The following KCNC2 variants were observed in gnomAD, a reference collection of about 807,000 sequenced individuals.
KCNC2 encodes potassium voltage-gated channel subfamily C member 2.
KCNC2 carries 21 observed loss-of-function variants against 44.5 expected under a neutral mutation model. The ratio of observed to expected loss-of-function variants is 0.47; its 90% CI spans 0.33 to 0.68. The LOEUF (loss-of-function observed/expected upper bound fraction) is 0.68, where lower values mean the gene tolerates loss of function less well. Ranked by LOEUF, KCNC2 falls within the 30% of genes least tolerant of loss-of-function variation. KCNC2 has a pLI of 0.01. For missense variants in KCNC2, 589 were observed against 826.2 expected (o/e 0.71, Z 3.52); for synonymous variants, 391 against 339.1 (o/e 1.15, Z -1.68).
intron 2 of KCNC2, among the ~76,000 whole-genome samples, chr12:75,179,653 A>G (rs1182796949): frequency 1.3e-5 from 2 of 149,994 alleles, no homozygotes; most frequent in Non-Finnish European, 3.0e-5. Context: ...TAAAAGATAT[A>G]AAACTACTTT....
At chr12:75,101,185 T>C (rs1288303096) in intron 2 of KCNC2, among the ~76,000 whole-genome samples, 1 of 152,058 alleles carries the variant, frequency 6.6e-6, no homozygotes, top group African/African-American at 2.4e-5. Flanking sequence ...CTAAGGAGAT[T>C]TATAACCCAG....
intron 2 of KCNC2, among the ~76,000 whole-genome samples, chr12:75,178,018 G>A (rs954167013): frequency 2.0e-5 from 3 of 151,996 alleles, no homozygotes; most frequent in South Asian, 2.1e-4. Flanking sequence ...GAGTGGCCAG[G>A]CCTACCATTG....
At chr12:75,059,656 A>T (rs1222694680) in intron 2 of KCNC2, among the ~76,000 whole-genome samples, 1 of 152,096 alleles carries the variant, frequency 6.6e-6, no homozygotes, top group Non-Finnish European at 1.5e-5. Flanking sequence ...TAGCCTTTTT[A>T]TGTATGACTA....
At chr12:75,109,289 C>T (rs1288463790) in intron 2 of KCNC2, among the ~76,000 whole-genome samples, 1 of 152,166 alleles carries the variant, frequency 6.6e-6, no homozygotes, top group African/African-American at 2.4e-5. Context: ...CCCCATCATC[C>T]TTTCTCTGTG....
intron 2 of KCNC2, among the ~76,000 whole-genome samples, chr12:75,143,317 A>T (rs957965916): frequency 1.3e-5 from 2 of 152,146 alleles, no homozygotes; most frequent in Non-Finnish European, 2.9e-5. Flanking sequence ...CTCAAACTTC[A>T]TACTCTACTG....
chr12:75,090,735 TA>T (rs1182399194), intron 2 of KCNC2, among the ~76,000 whole-genome samples: 3 of 151,664 alleles, frequency 2.0e-5, no homozygotes, highest in Non-Finnish European at 4.4e-5. Context: ...GTTTAGAAAT[TA>T]TAATTAAAGC....
chr12:75,170,841 T>A (rs1410051584), intron 2 of KCNC2, among the ~76,000 whole-genome samples: 1 of 151,830 alleles, frequency 6.6e-6, no homozygotes, highest in African/African-American at 2.4e-5. Context: ...TGGCACAGCA[T>A]AGCTCAGAAT....
intron 2 of KCNC2, among the ~76,000 whole-genome samples, chr12:75,136,647 A>T (rs973664129): frequency 6.6e-6 from 1 of 152,140 alleles, no homozygotes; most frequent in African/African-American, 2.4e-5. Context: ...GAACAGACCA[A>T]TAATGAGTAA....
chr12:75,054,230 TAA>T (rs554056694), intron 2 of KCNC2, among the ~76,000 whole-genome samples: 7 of 133,420 alleles, frequency 5.2e-5, no homozygotes, highest in Non-Finnish European at 4.9e-5. Context: ...TGTCTCCAAT[TAA>T]AAAAAAAAAA....
chr12:75,125,784 C>T (rs148462200), intron 2 of KCNC2, among the ~76,000 whole-genome samples: 3 of 152,108 alleles, frequency 2.0e-5, no homozygotes, highest in African/African-American at 7.2e-5. Context: ...TTCATGTGTA[C>T]CATTATCAAA....
In KCNC2 at chr12:75,051,000, C is replaced by T; in HGVS notation, c.1005G>A (p.Leu335=). ...PFYLEVGLSG[L]SSKAAKDVLG... ...GCACATCTTTAGCAGCTTTGGATGA[C>T]AGCCCACTGAGTCCCACCTCTAAGT... The change falls in exon 3 of 5, where the codon CTG becomes CTA. Residue 335 remains leucine (L), a synonymous_variant. Coordinates refer to ENST00000549446, the MANE Select transcript of KCNC2 (RefSeq NM_139137.4). 6.2e-7 allele frequency: 1 copy of T among 1,613,802 alleles called. No individual in the cohort carries two copies. Among genetic ancestry groups the T allele is most frequent in the Non-Finnish European group, 8.5e-7 (1 of 1,179,854 alleles).
Position 75,208,018 on chromosome 12 carries a change from C to T in KCNC2, c.-19-16G>A, listed in dbSNP as rs1460004895. The T allele has an allele frequency of 1.2e-6, 2 of 1,609,498 alleles. No individual in the cohort carries two copies. The highest frequency in any genetic ancestry group is 1.7e-6 in the Non-Finnish European group (2 of 1,178,952). ...TCAGACATGACTAGGGGGAGGCAAA[C>T]ACAGCGCCGAGTTAAAGATCTTAGC... On this transcript the variant is annotated splice_polypyrimidine_tract_variant and intron_variant, in intron 1 of 4. Transcript: ENST00000549446.
At chr12:75,115,174 T>G (rs1364155265) in intron 2 of KCNC2, among the ~76,000 whole-genome samples, 2 of 152,152 alleles carry the variant, frequency 1.3e-5, no homozygotes, top group Non-Finnish European at 2.9e-5. Context: ...AACTTCTACT[T>G]TTGATGACTA....
chr12:75,109,842 A>G (rs1372297480), intron 2 of KCNC2, among the ~76,000 whole-genome samples: 1 of 152,158 alleles, frequency 6.6e-6, no homozygotes, highest in African/African-American at 2.4e-5. Context: ...CTTGAAATGA[A>G]TAAAAGGCAA....
At chr12:75,117,885 C>T (rs1035894886) in intron 2 of KCNC2, among the ~76,000 whole-genome samples, 1 of 152,114 alleles carries the variant, frequency 6.6e-6, no homozygotes, top group Middle Eastern at 3.2e-3. Context: ...TTGGGCATTA[C>T]ACAACTAAAG....
intron 4 of KCNC2, among the ~76,000 whole-genome samples, chr12:75,047,357 G>A (rs1297927877): frequency 6.6e-6 from 1 of 151,920 alleles, no homozygotes; most frequent in Non-Finnish European, 1.5e-5. Context: ...TTAGACAGTT[G>A]GTACAATCAA....
At chr12:75,125,010 G>A (rs1592922964) in intron 2 of KCNC2, 1 of 152,416 alleles carries the variant, frequency 6.6e-6, no homozygotes, top group African/African-American at 2.4e-5. Flanking sequence ...GGAGGCTGAA[G>A]CAGGAGAATG....
intron 2 of KCNC2, among the ~76,000 whole-genome samples, chr12:75,142,770 A>G (rs551275031): frequency 6.6e-6 from 1 of 152,312 alleles, no homozygotes; most frequent in South Asian, 2.1e-4. Context: ...GGATCCAAAA[A>G]GCAGCATCCC....
At chr12:75,152,604 T>C (rs1890481666) in intron 2 of KCNC2, among the ~76,000 whole-genome samples, 1 of 151,948 alleles carries the variant, frequency 6.6e-6, no homozygotes, top group African/African-American at 2.4e-5. Context: ...AATAAGAACA[T>C]TGGTAAATAT....
Sources: allele counts gnomAD v4.1 joint callset (sites outside exome capture counted in the v4.1 genomes callset), GRCh38; gene constraint gnomAD v4.1.1; transcripts MANE v1.5; gene names NCBI Gene and HGNC (gene_info 2026-07-23, HGNC 2026-07-21).